FRMD4A: variants seen among roughly 807,000 people sequenced by gnomAD.
FRMD4A encodes FERM domain containing 4A.
Under a neutral mutation model 129.1 loss-of-function variants are expected in FRMD4A, and 29 were observed. The observed-to-expected ratio is 0.22, with a 90% CI of 0.17 to 0.31. The LOEUF (loss-of-function observed/expected upper bound fraction) is 0.31, where lower values mean the gene tolerates loss of function less well. FRMD4A is among the 10% of genes least tolerant of loss of function. The pLI, the probability that FRMD4A is intolerant of heterozygous loss-of-function variation, is 1.00. For missense variants in FRMD4A, 1,272 were observed against 1,375.8 expected (o/e 0.92, Z 1.19); for synonymous variants, 634 against 571.6 (o/e 1.11, Z -1.56).
intron 2 of FRMD4A, among the ~76,000 whole-genome samples, chr10:13,860,205 CT>C (rs904709501): frequency 1.3e-5 from 2 of 152,236 alleles, no homozygotes; most frequent in African/African-American, 4.8e-5. Context: ...CATGACAACA[CT>C]GCTAGTAATT....
chr10:14,313,358 G>A (rs146100705), intron 2 of FRMD4A, among the ~76,000 whole-genome samples: 122 of 152,168 alleles, frequency 8.0e-4, no homozygotes, highest in African/African-American at 2.7e-3. Context: ...GCAAGACCCT[G>A]TCTCAGAAAT....
chr10:14,244,724 T>C (rs1014034203), intron 2 of FRMD4A, among the ~76,000 whole-genome samples: 1 of 152,214 alleles, frequency 6.6e-6, no homozygotes, highest in African/African-American at 2.4e-5. Context: ...ATTTTCCAGA[T>C]GAAGCAACTG....
intron 2 of FRMD4A, among the ~76,000 whole-genome samples, chr10:13,934,152 G>A (rs925089230): frequency 6.6e-6 from 1 of 152,208 alleles, no homozygotes; most frequent in Non-Finnish European, 1.5e-5. Context: ...TAAGGGTGGT[G>A]AGGAACATAG....
At chr10:13,654,157 C>A in intron 23 of FRMD4A, 1 of 559,936 alleles carries the variant, frequency 1.8e-6, no homozygotes, top group Admixed American at 3.3e-5. Context: ...AGTCCCACTT[C>A]GTGCTTCCAT....
At chr10:14,184,950 A>G (rs1001728768) in intron 2 of FRMD4A, among the ~76,000 whole-genome samples, 6 of 151,194 alleles carry the variant, frequency 4.0e-5, no homozygotes, top group South Asian at 2.1e-4. Flanking sequence ...TTTCCCTTTC[A>G]TGTCTGAATT....
At position 13,657,245 on chromosome 10, in the gene FRMD4A, TCTGGCG is replaced by T. The variant is rs780183640; in HGVS notation, c.2338_2343del (p.Gln787_Arg788del). On this transcript the variant is annotated inframe_deletion, in exon 22 of 25. Transcript: ENST00000357447. ...GCCGCCCGCTGCCGCTGCCTCTGCC[TCTGGCG>T]CGCCTTGGACGGCGAGTCCTCGGCC... The T allele has an allele frequency of 1.3e-5, 20 of 1,589,862 alleles. No individual in the cohort carries two copies. The highest frequency in any genetic ancestry group is 2.3e-5 in the East Asian group (1 of 43,862).
At chr10:13,818,332 T>TA (rs869305945) in intron 3 of FRMD4A, among the ~76,000 whole-genome samples, 2 of 151,794 alleles carry the variant, frequency 1.3e-5, no homozygotes, top group East Asian at 1.9e-4. Context: ...GCTGGCTAAT[T>TA]AAAAAAAAAT....
At chr10:13,864,094 C>A (rs1423700872) in intron 2 of FRMD4A, among the ~76,000 whole-genome samples, 1 of 152,030 alleles carries the variant, frequency 6.6e-6, no homozygotes, top group South Asian at 2.1e-4. Context: ...CTCCCGGGTT[C>A]AAGCGATTCT....
intron 2 of FRMD4A, among the ~76,000 whole-genome samples, chr10:14,241,867 G>A (rs1326986283): frequency 6.6e-6 from 1 of 152,056 alleles, no homozygotes; most frequent in Non-Finnish European, 1.5e-5. Flanking sequence ...GGCCACACAT[G>A]CTGGGATTTC....
intron 2 of FRMD4A, among the ~76,000 whole-genome samples, chr10:14,181,418 G>T (rs1422630259): frequency 6.6e-6 from 1 of 152,132 alleles, no homozygotes; most frequent in East Asian, 1.9e-4. Flanking sequence ...CCCAGATAAG[G>T]AGAAAGCTGA....
At chr10:13,771,364 C>CGGT (rs1180787647) in intron 6 of FRMD4A, among the ~76,000 whole-genome samples, 1 of 152,164 alleles carries the variant, frequency 6.6e-6, no homozygotes, top group Non-Finnish European at 1.5e-5. Context: ...TGAGCCACCA[C>CGGT]GCCTGGCCAG....
intron 2 of FRMD4A, among the ~76,000 whole-genome samples, chr10:13,877,869 G>A (rs2094504353): frequency 6.6e-6 from 1 of 152,174 alleles, no homozygotes; most frequent in Admixed American, 6.5e-5. Flanking sequence ...GAGCTCCCAG[G>A]AGGGGATAAG....
intron 2 of FRMD4A, among the ~76,000 whole-genome samples, chr10:13,899,481 C>A (rs530690075): frequency 7.7e-4 from 117 of 152,296 alleles, no homozygotes; most frequent in Middle Eastern, 3.4e-3. Flanking sequence ...TTTCTACAGA[C>A]AAGGAACTTG....
At chr10:13,797,198 CCTT>C (rs1421587036) in intron 4 of FRMD4A, among the ~76,000 whole-genome samples, 2 of 152,194 alleles carry the variant, frequency 1.3e-5, no homozygotes, top group African/African-American at 2.4e-5. Context: ...TCAGAACTCT[CCTT>C]CTTGTCCTGA....
intron 2 of FRMD4A, among the ~76,000 whole-genome samples, chr10:13,876,061 TG>T (rs949227017): frequency 9.8e-5 from 15 of 152,372 alleles, no homozygotes; most frequent in Middle Eastern, 3.4e-3. Context: ...CAAAATGGAA[TG>T]GGTTGCCCCG....
At chr10:13,898,236 G>C (rs1321961757) in intron 2 of FRMD4A, among the ~76,000 whole-genome samples, 3 of 152,144 alleles carry the variant, frequency 2.0e-5, no homozygotes, top group African/African-American at 7.2e-5. Context: ...AGCTGGGTGT[G>C]GTGGGGCGTG....
chr10:13,914,109 G>A (rs765871071), intron 2 of FRMD4A, among the ~76,000 whole-genome samples: 3 of 152,150 alleles, frequency 2.0e-5, no homozygotes, highest in African/African-American at 7.2e-5. Context: ...AGGAAGGCGC[G>A]GGCAGATGCC....
intron 2 of FRMD4A, among the ~76,000 whole-genome samples, chr10:14,220,816 G>GTT (rs1477604591): frequency 4.7e-5 from 7 of 148,256 alleles, no homozygotes; most frequent in African/African-American, 1.7e-4. Flanking sequence ...GTGTGTTTGT[G>GTT]TGTGTGTGTG....
intron 2 of FRMD4A, among the ~76,000 whole-genome samples, chr10:14,246,057 G>A (rs1231569428): frequency 6.6e-6 from 1 of 152,184 alleles, no homozygotes; most frequent in Non-Finnish European, 1.5e-5. Context: ...CTCAAGGGCT[G>A]TCTGCCCTGC....
Sources: allele counts gnomAD v4.1 joint callset (sites outside exome capture counted in the v4.1 genomes callset), GRCh38; gene constraint gnomAD v4.1.1; transcripts MANE v1.5; gene names NCBI Gene and HGNC (gene_info 2026-07-23, HGNC 2026-07-21).